Variants in HIVEP2 observed in about 807,000 individuals in gnomAD.
The protein encoded by HIVEP2 is transcription factor HIVEP2.
HIVEP2 carries 14 observed loss-of-function variants against 180.7 expected under a neutral mutation model. That is an observed-to-expected ratio of 0.08 (90% CI 0.05 to 0.12). The LOEUF is 0.12. Among genes scored for constraint, HIVEP2 ranks in the 10% least tolerant of loss-of-function variants. The probability of loss-of-function intolerance (pLI) is 1.00; values close to 1 mark genes in which losing one functional copy is unlikely to be tolerated. For missense variants in HIVEP2, 2,579 were observed against 3,008.5 expected (o/e 0.86, Z 3.34); for synonymous variants, 1,184 against 1,136.4 (o/e 1.04, Z -0.84).
chr6:142,834,652 T>A (rs1423062896), intron 2 of HIVEP2, among the ~76,000 whole-genome samples: 2 of 152,104 alleles, frequency 1.3e-5, no homozygotes, highest in African/African-American at 2.4e-5. Context: ...AAAGCAATAT[T>A]ATTATAAAAA....
At position 142,770,078 on chromosome 6, in the gene HIVEP2, T is replaced by C; in HGVS notation, c.4661A>G (p.Gln1554Arg). The C allele has an allele frequency of 6.2e-7, 1 of 1,614,230 alleles. No homozygotes were observed. The highest frequency in any genetic ancestry group is 8.5e-7 in the Non-Finnish European group (1 of 1,180,044). ...LSGSRAPLPG[Q>R]KSSGPSESKE... Reference sequence around the variant, plus strand: ...GCTTTCAGAAGGCCCACTGGACTTCTGCCCCGGAAGTGGTGCCCGGGAACC... The same window carrying C: ...GCTTTCAGAAGGCCCACTGGACTTCCGCCCCGGAAGTGGTGCCCGGGAACC... The change falls in exon 5 of 10, where the codon CAG becomes CGG. Residue 1554 changes from glutamine (Q) to arginine (R), a missense_variant. This residue lies in a region of HIVEP2 where 349 missense variants were observed against 367.2 expected (regional missense o/e 0.95). Coordinates refer to ENST00000367603, the MANE Select transcript of HIVEP2 (RefSeq NM_006734.4). This position sits in a 1 kb window ranked among gnomAD's most constrained non-coding sequence, Gnocchi z 4.7.
chr6:142,757,688 TA>T (rs970817230), intron 9 of HIVEP2, among the ~76,000 whole-genome samples: 10 of 151,060 alleles, frequency 6.6e-5, no homozygotes, highest in Admixed American at 2.0e-4. Context: ...ATCAGATATT[TA>T]AAAAAAAATG....
chr6:142,927,370 G>GT (rs35552748), intron 1 of HIVEP2, among the ~76,000 whole-genome samples: 8,859 of 152,250 alleles, frequency 0.058, 346 homozygotes, highest in Middle Eastern at 0.11. Flanking sequence ...GAAAAATCAC[G>GT]TAAGTGTTGT....
At chr6:142,793,636 CT>C (rs1491186678) in intron 2 of HIVEP2, among the ~76,000 whole-genome samples, 7 of 33,374 alleles carry the variant, frequency 2.1e-4, no homozygotes, top group Non-Finnish European at 3.9e-4. Flanking sequence ...TTCTTTCTTT[CT>C]TTCTTTCTTT....
intron 3 of HIVEP2, among the ~76,000 whole-genome samples, 182 bp from the exon 4 acceptor site, chr6:142,776,373 A>T (rs1226792346): frequency 1.3e-5 from 2 of 152,240 alleles, no homozygotes; most frequent in Non-Finnish European, 2.9e-5. Context: ...CCTTACACTG[A>T]CACTGTGACT....
At chr6:142,848,632 A>C (rs536047081) in intron 1 of HIVEP2, among the ~76,000 whole-genome samples, 2 of 152,198 alleles carry the variant, frequency 1.3e-5, no homozygotes, top group African/African-American at 4.8e-5. Flanking sequence ...CTGAGGTGGG[A>C]GGATTGCTTG....
chr6:142,927,394 C>T (rs1777844677), intron 1 of HIVEP2, among the ~76,000 whole-genome samples: 1 of 152,134 alleles, frequency 6.6e-6, no homozygotes, highest in Non-Finnish European at 1.5e-5. Context: ...AGTTGTTTTC[C>T]CCTCGTTTTC....
chr6:142,913,152 A>T (rs1185548842), intron 1 of HIVEP2, among the ~76,000 whole-genome samples: 1 of 152,208 alleles, frequency 6.6e-6, no homozygotes, highest in African/African-American at 2.4e-5. Context: ...CGAACTGCTT[A>T]GCTTAGGATG....
In HIVEP2 at chr6:142,765,902, A is replaced by G. The variant is rs147589255; in HGVS notation, c.5343-928T>C. Among the ~76,000 whole-genome samples the G allele has an allele frequency of 5.2e-4, 79 of 152,308 alleles. 1 individual carries two copies. Among genetic ancestry groups the G allele is most frequent in the African/African-American group, 1.8e-3 (74 of 41,562 alleles). ...AATTCAATGACTGTCATTATCTCTTAAGTCAAAGCTAGGCTAGAATTTTGG... is the reference window on the plus strand; with the variant it reads ...AATTCAATGACTGTCATTATCTCTTGAGTCAAAGCTAGGCTAGAATTTTGG... On this transcript the variant is annotated intron_variant, in intron 6 of 9. Transcript: ENST00000367603.
intron 2 of HIVEP2, among the ~76,000 whole-genome samples, chr6:142,797,211 C>G (rs954276842): frequency 8.6e-5 from 13 of 151,770 alleles, no homozygotes; most frequent in African/African-American, 3.1e-4. Flanking sequence ...ATAGAAACCA[C>G]CTTAACATCA....
At chr6:142,797,526 C>A (rs1031224858) in intron 2 of HIVEP2, among the ~76,000 whole-genome samples, 1 of 152,120 alleles carries the variant, frequency 6.6e-6, no homozygotes, top group African/African-American at 2.4e-5. Context: ...AACAGTTTTC[C>A]ATTGCATACA....
intron 1 of HIVEP2, among the ~76,000 whole-genome samples, chr6:142,924,892 T>C (rs987265644): frequency 6.6e-6 from 1 of 152,210 alleles, no homozygotes; most frequent in South Asian, 2.1e-4. Flanking sequence ...TCCAACATGA[T>C]GCTGCATCAA....
intron 9 of HIVEP2, among the ~76,000 whole-genome samples, chr6:142,758,834 T>C (rs936563138): frequency 2.0e-5 from 3 of 152,154 alleles, no homozygotes; most frequent in Admixed American, 6.5e-5. Context: ...CCCGTTCTCC[T>C]TGGGCCCACG....
intron 9 of HIVEP2, among the ~76,000 whole-genome samples, chr6:142,754,637 A>G (rs1775017608): frequency 6.6e-6 from 1 of 152,226 alleles, no homozygotes; most frequent in Non-Finnish European, 1.5e-5. Flanking sequence ...TTTAAAGGAA[A>G]CTATCCATCA....
intron 1 of HIVEP2, among the ~76,000 whole-genome samples, chr6:142,903,994 G>C (rs1180502622): frequency 1.3e-5 from 2 of 152,124 alleles, no homozygotes; most frequent in African/African-American, 4.8e-5. Flanking sequence ...CACAGAGATG[G>C]AACACAGCTA....
At chr6:142,896,721 T>C (rs1777004795) in intron 1 of HIVEP2, among the ~76,000 whole-genome samples, 1 of 152,234 alleles carries the variant, frequency 6.6e-6, no homozygotes. Context: ...ATAAACTTAG[T>C]AGTATACCTC....
At chr6:142,758,768 A>G (rs937015388) in intron 9 of HIVEP2, among the ~76,000 whole-genome samples, 8 of 152,230 alleles carry the variant, frequency 5.3e-5, no homozygotes, top group African/African-American at 1.7e-4. Context: ...ATCTTCACTT[A>G]TAATGAAGGC....
At position 142,816,519 on chromosome 6, in the gene HIVEP2, C is replaced by T. The variant is rs560740301; in HGVS notation, c.-528+20416G>A. Among the ~76,000 whole-genome samples, 9 of 152,304 alleles carry T rather than the reference C, an allele frequency of 5.9e-5. No homozygotes were observed. In the East Asian group the frequency reaches 1.7e-3, roughly 29 times the overall value. ...GAATCCACAGTTCTACTTCTGAAGTCGCTTTGGATTTCCTAGCACTCTGCA... is the reference window on the plus strand; with the variant it reads ...GAATCCACAGTTCTACTTCTGAAGTTGCTTTGGATTTCCTAGCACTCTGCA... On this transcript the variant is annotated intron_variant, in intron 2 of 9. Coordinates refer to ENST00000367603, the MANE Select transcript of HIVEP2 (RefSeq NM_006734.4).
rs1308263111 is a variant in HIVEP2, at chr6:142,760,039, T to C, written c.6249A>G (p.Ser2083=). ...TTCTTGGTGAAAGATGTCTCATGGGTGACAGATCTCTCCTAGGTGATAAAT... is the reference window on the plus strand; with the variant it reads ...TTCTTGGTGAAAGATGTCTCATGGGCGACAGATCTCTCCTAGGTGATAAAT... ...RRHLSPRRDL[S]PMRHLSPRKE... is the part of the protein sequence containing the mutation. The change falls in exon 9 of 10, where the codon TCA becomes TCG. Residue 2083 remains serine (S), a synonymous_variant. Coordinates refer to ENST00000367603, the MANE Select transcript of HIVEP2 (RefSeq NM_006734.4). The C allele has an allele frequency of 6.2e-7, 1 of 1,614,160 alleles. No homozygotes were observed. Among genetic ancestry groups the C allele is most frequent in the Admixed American group, 1.7e-5 (1 of 60,024 alleles).
Sources: gnomAD v4.1 joint callset for allele counts (sites outside exome capture counted in the v4.1 genomes callset) on GRCh38, gnomAD v4.1.1 for gene constraint, gnomAD v4.1.1 regional missense constraint, Gnocchi (gnomAD v3.1) non-coding constraint, MANE v1.5 for transcripts, NCBI Gene and HGNC (gene_info 2026-07-23, HGNC 2026-07-21) for gene names.